TSPAN18: variants seen among roughly 807,000 people sequenced by gnomAD.
The protein encoded by TSPAN18 is tetraspanin 18.
A neutral mutation model predicts 27.3 loss-of-function variants in TSPAN18; 14 were observed. The observed-to-expected ratio is 0.51, with a 90% CI of 0.34 to 0.80. TSPAN18 has a LOEUF of 0.80. Among genes scored for constraint, TSPAN18 ranks in the 30% least tolerant of loss-of-function variants. The probability of loss-of-function intolerance (pLI) is 0.01; values close to 1 mark genes in which losing one functional copy is unlikely to be tolerated. For missense variants in TSPAN18, 268 were observed against 323.9 expected (o/e 0.83, Z 1.32); for synonymous variants, 143 against 136.5 (o/e 1.05, Z -0.33).
rs759610514 is a variant in TSPAN18, at chr11:44,919,940, G to A, written c.556G>A (p.Gly186Arg). 24 of 1,614,086 alleles carry A rather than the reference G, an allele frequency of 1.5e-5. No individual in the cohort carries two copies. The highest frequency in any genetic ancestry group is 8.3e-5 in the Admixed American group (5 of 60,004). The change falls in exon 8 of 10, where the codon GGG (glycine) becomes AGG (arginine). Residue 186 changes from glycine to arginine, a missense_variant. By Grantham distance (125) the Gly-to-Arg change is moderately radical. Coordinates refer to ENST00000520358, the MANE Select transcript of TSPAN18 (RefSeq NM_130783.5). ...CCGGAGGGAACCCCAAAGTCGGGAC[G>A]GGGTCCTGCTGAGCCGGGAGGAGTG... The part of the protein sequence containing the change: ...CCRREPQSRD[G>R]VLLSREECLL...
chr11:44,734,771 A>C (rs939621173), intron 1 of TSPAN18, among the ~76,000 whole-genome samples: 1 of 152,134 alleles, frequency 6.6e-6, no homozygotes, highest in Admixed American at 6.6e-5. Context: ...TGTTGCTGAG[A>C]GAGGCTCCCC....
At chr11:44,852,907 T>C (rs2135192935) in intron 2 of TSPAN18, among the ~76,000 whole-genome samples, 1 of 152,344 alleles carries the variant, frequency 6.6e-6, no homozygotes, top group South Asian at 2.1e-4. Context: ...ATAAAAATGC[T>C]CCTGGCCATT....
chr11:44,909,970 G>A, intron 5 of TSPAN18, 71 bp downstream of exon 5: 5 of 1,506,706 alleles, frequency 3.3e-6, no homozygotes, highest in Non-Finnish European at 4.4e-6. Context: ...CAGACTCCCA[G>A]GCCCTGCCTG....
intron 2 of TSPAN18, among the ~76,000 whole-genome samples, chr11:44,805,730 G>A (rs950263630): frequency 6.6e-6 from 1 of 152,188 alleles, no homozygotes; most frequent in Non-Finnish European, 1.5e-5. Context: ...TGCTGGCAGG[G>A]TCGTGCTCCC....
intron 8 of TSPAN18, among the ~76,000 whole-genome samples, chr11:44,921,785 C>T (rs1430214159): frequency 6.6e-6 from 1 of 152,196 alleles, no homozygotes; most frequent in Non-Finnish European, 1.5e-5. Flanking sequence ...CCTTTTAATG[C>T]TACTTGTAAG....
intron 2 of TSPAN18, among the ~76,000 whole-genome samples, chr11:44,806,788 A>G (rs1324958910): frequency 4.6e-5 from 7 of 152,226 alleles, no homozygotes. Context: ...TGGCAGATCT[A>G]AATCAAACAT....
intron 2 of TSPAN18, among the ~76,000 whole-genome samples, chr11:44,775,009 C>A (rs1374109930): frequency 1.3e-5 from 2 of 152,188 alleles, no homozygotes; most frequent in African/African-American, 4.8e-5. Context: ...TCTCTCCTGG[C>A]CTTACAGTTT....
chr11:44,782,685 T>G (rs74879935), intron 2 of TSPAN18, among the ~76,000 whole-genome samples: 7,650 of 152,318 alleles, frequency 0.05, 374 homozygotes, highest in East Asian at 0.16. Flanking sequence ...TATGGTCAGC[T>G]TTTGAGTTTT....
chr11:44,906,257 C>T, intron 3 of TSPAN18, 150 bp from the exon 4 acceptor site: 7 of 749,036 alleles, frequency 9.3e-6, no homozygotes, highest in Non-Finnish European at 1.6e-5. Context: ...GGCAGGCTGG[C>T]TCCAGCATGC....
chr11:44,905,584 A>T (rs1859425269), intron 3 of TSPAN18, among the ~76,000 whole-genome samples: 2 of 152,180 alleles, frequency 1.3e-5, no homozygotes, highest in Admixed American at 1.3e-4. Context: ...TTGAGGTCTG[A>T]CTCATGAGAG....
chr11:44,910,015 C>G, intron 5 of TSPAN18, 116 bp downstream of exon 5: 1 of 1,286,782 alleles, frequency 7.8e-7, no homozygotes, highest in East Asian at 2.5e-5. Context: ...CAAACTGGGG[C>G]GGGCTGTCAA....
chr11:44,912,278 C>T (rs1179808219), intron 5 of TSPAN18, among the ~76,000 whole-genome samples: 2 of 152,152 alleles, frequency 1.3e-5, no homozygotes, highest in Non-Finnish European at 2.9e-5. Context: ...GCCTCGGCCT[C>T]TCAGAGTGTT....
intron 1 of TSPAN18, among the ~76,000 whole-genome samples, chr11:44,740,556 G>C (rs150548245): frequency 1.1e-4 from 17 of 152,292 alleles, no homozygotes; most frequent in Admixed American, 8.5e-4. Flanking sequence ...TGATGGGGAC[G>C]TAGTGGCCGA....
chr11:44,820,888 C>T (rs1436284178), intron 2 of TSPAN18, among the ~76,000 whole-genome samples: 1 of 152,204 alleles, frequency 6.6e-6, no homozygotes, highest in Non-Finnish European at 1.5e-5. Flanking sequence ...GCCTGCTCCC[C>T]CTTCACCTTC....
intron 9 of TSPAN18, among the ~76,000 whole-genome samples, chr11:44,928,670 C>T (rs529428052): frequency 1.3e-5 from 2 of 152,276 alleles, no homozygotes; most frequent in Non-Finnish European, 1.5e-5. Context: ...CCTGTAGTCC[C>T]AGCTACTCAG....
chr11:44,769,026 C>T (rs1030763187), intron 2 of TSPAN18, among the ~76,000 whole-genome samples: 11 of 151,546 alleles, frequency 7.3e-5, no homozygotes, highest in Non-Finnish European at 1.6e-4. Context: ...TCCCGAATAG[C>T]TGAGATTACA....
intron 2 of TSPAN18, among the ~76,000 whole-genome samples, chr11:44,803,538 T>C (rs960207150): frequency 6.6e-6 from 1 of 152,120 alleles, no homozygotes; most frequent in Non-Finnish European, 1.5e-5. Flanking sequence ...TCTGGAGATA[T>C]GGCTCTGAGA....
At chr11:44,782,068 G>A (rs1855950909) in intron 2 of TSPAN18, among the ~76,000 whole-genome samples, 1 of 152,136 alleles carries the variant, frequency 6.6e-6, no homozygotes, top group African/African-American at 2.4e-5. Flanking sequence ...TGTATATATA[G>A]TAATTTGTGT....
chr11:44,754,855 A>C (rs1855295249), intron 1 of TSPAN18, among the ~76,000 whole-genome samples: 1 of 152,206 alleles, frequency 6.6e-6, no homozygotes, highest in Admixed American at 6.5e-5. Flanking sequence ...CAGCACAAAG[A>C]GGGAGCAGAT....
Sources: allele counts gnomAD v4.1 joint callset (sites outside exome capture counted in the v4.1 genomes callset), GRCh38; gene constraint gnomAD v4.1.1; transcripts MANE v1.5; gene names NCBI Gene and HGNC (gene_info 2026-07-23, HGNC 2026-07-21).